DCDC2B: variants seen among roughly 807,000 people sequenced by gnomAD.
DCDC2B encodes doublecortin domain containing 2B.
A neutral mutation model predicts 38.9 loss-of-function variants in DCDC2B; 41 were observed. The ratio of observed to expected loss-of-function variants is 1.05; its 90% CI spans 0.82 to 1.37. The LOEUF is 1.37. Among genes scored for constraint, DCDC2B ranks in the 40% most tolerant of loss-of-function variants. The pLI is 0.00. For synonymous variants in DCDC2B, 181 were observed against 171.9 expected (o/e 1.05, Z -0.41); for missense variants, 453 against 427.2 (o/e 1.06, Z -0.53).
At chr1:32,209,479 G>A in intron 1 of DCDC2B, 120 bp downstream of exon 1, 1 of 1,443,760 alleles carries the variant, frequency 6.9e-7, no homozygotes, top group Non-Finnish European at 9.3e-7. Flanking sequence ...CTATGTAGGG[G>A]GGGTGGTTTT....
chr1:32,212,258 T>C, intron 4 of DCDC2B, 57 bp downstream of exon 4: 1 of 1,594,826 alleles, frequency 6.3e-7, no homozygotes, highest in Non-Finnish European at 8.6e-7. Context: ...CGCCACTGGC[T>C]TCAGCTGTGG....
intron 1 of DCDC2B, 53 bp from the exon 2 acceptor site, chr1:32,211,219 C>G (rs1258170592): frequency 6.5e-7 from 1 of 1,540,898 alleles, no homozygotes; most frequent in African/African-American, 1.4e-5. Flanking sequence ...ATCTGCCAGG[C>G]TATTGAGGCC....
In DCDC2B at chr1:32,212,062, T is replaced by A. The variant is rs1643608914; in HGVS notation, c.396-8T>A. 1.2e-6 allele frequency: 2 copies of A among 1,608,450 alleles called. No individual in the cohort carries two copies. The highest frequency in any genetic ancestry group is 1.7e-6 in the Non-Finnish European group (2 of 1,175,712). On this transcript the variant is annotated splice_region_variant and splice_polypyrimidine_tract_variant and intron_variant, in intron 3 of 8. Transcript: ENST00000409358. ...GGACACTCCCCCTTACCAGGCTTTT[T>A]GTCTCAGTGTGTTCAGGAATGGGGA...
At chr1:32,215,619 AG>A (rs1638320166) in intron 8 of DCDC2B, 76 bp downstream of exon 8, 1 of 1,388,426 alleles carries the variant, frequency 7.2e-7, no homozygotes, top group South Asian at 1.3e-5. Flanking sequence ...CTTGGGCCCC[AG>A]GAACAGTTCT....
chr1:32,210,770 A>G (rs891768738), intron 1 of DCDC2B, among the ~76,000 whole-genome samples: 4 of 151,650 alleles, frequency 2.6e-5, no homozygotes, highest in African/African-American at 9.7e-5. Flanking sequence ...AGTGCAGTGC[A>G]CTGGCGCGAT....
rs1157033358 is a variant in DCDC2B at position 32,216,021 on chromosome 1, C to A, written c.*124C>A. 2.5e-5 allele frequency: 21 copies of A among 837,086 alleles called. No homozygotes were observed. The highest frequency in any genetic ancestry group is 3.6e-5 in the Non-Finnish European group (19 of 522,100). 51.9% of individuals were successfully genotyped at this position (837,086 alleles called of 1,614,324 possible). On this transcript the variant is annotated 3_prime_UTR_variant, in exon 9 of 9. Coordinates refer to ENST00000409358, the MANE Select transcript of DCDC2B (RefSeq NM_001099434.2). The stretch of plus-strand genomic sequence containing the variant: ...GGGCTCACAGGGTACACTGCGGCCT[C>A]CTCAGCCCTCCCCGTTCTCCTGCTC...
intron 6 of DCDC2B, among the ~76,000 whole-genome samples, chr1:32,213,271 A>G (rs1336703323): frequency 6.6e-6 from 1 of 151,894 alleles, no homozygotes; most frequent in Admixed American, 6.6e-5. Flanking sequence ...GGCTCAAGCA[A>G]TCCTCCCACC....
At position 32,216,046 on chromosome 1, in the gene DCDC2B, C is replaced by G. The variant is rs1638358793; in HGVS notation, c.*149C>G. On this transcript the variant is annotated 3_prime_UTR_variant, in exon 9 of 9. Transcript: ENST00000409358. ...CCTCAGCCCTCCCCGTTCTCCTGCT[C>G]CTAAACCCACAGCCCAGCCTTCCCT... 1 of 757,038 alleles carries G rather than the reference C, an allele frequency of 1.3e-6. No homozygotes were observed. Among genetic ancestry groups the G allele is most frequent in the African/African-American group, 1.8e-5 (1 of 56,410 alleles). 46.9% of individuals were successfully genotyped at this position (757,038 alleles called of 1,614,324 possible).
At chr1:32,211,220 T>A in intron 1 of DCDC2B, 52 bp from the exon 2 acceptor site, 32 of 1,548,616 alleles carry the variant, frequency 2.1e-5, no homozygotes, top group Non-Finnish European at 2.8e-5. Context: ...TCTGCCAGGC[T>A]ATTGAGGCCT....
Position 32,215,904 on chromosome 1 carries a change from G to C in DCDC2B, c.*7G>C. The C allele has an allele frequency of 6.5e-7, 1 of 1,550,150 alleles. No individual in the cohort carries two copies. The highest frequency in any genetic ancestry group is 1.2e-5 in the South Asian group (1 of 83,990). On this transcript the variant is annotated 3_prime_UTR_variant, in exon 9 of 9. Coordinates refer to ENST00000409358, the MANE Select transcript of DCDC2B (RefSeq NM_001099434.2). ...CCCAGCTCTGCCATCTTGAGAGCCA[G>C]CAGCTCCAGAGGGCAACTGGGGACC... is the stretch of plus-strand genomic sequence containing the variant.
chr1:32,211,525 T>C (rs758363571), intron 2 of DCDC2B, among the ~76,000 whole-genome samples: 4 of 152,146 alleles, frequency 2.6e-5, no homozygotes, highest in Admixed American at 2.0e-4. Flanking sequence ...AACTCCACAC[T>C]GGGGTCCCCA....
intron 6 of DCDC2B, among the ~76,000 whole-genome samples, chr1:32,213,497 C>T (rs1377627280): frequency 4.7e-5 from 7 of 150,266 alleles, no homozygotes; most frequent in South Asian, 2.1e-4. Context: ...CCACCACACC[C>T]GGCTAATTTT....
chr1:32,215,138 C>A, intron 7 of DCDC2B: 1 of 693,734 alleles, frequency 1.4e-6, no homozygotes, highest in Non-Finnish European at 2.3e-6. Flanking sequence ...GTACTGACCT[C>A]ATCATAACTG....
chr1:32,215,109 G>GA, intron 7 of DCDC2B, 177 bp downstream of exon 7: 1 of 845,372 alleles, frequency 1.2e-6, no homozygotes, highest in Non-Finnish European at 1.7e-6. Context: ...GAGACTGCCC[G>GA]TAAAAAAAAA....
Position 32,212,132 on chromosome 1 carries a change from G to A in DCDC2B, c.458G>A (p.Ser153Asn), listed in dbSNP as rs763086179. Residue 153 changes from serine (S) to asparagine (N), a missense_variant, in exon 4 of 9, where the codon AGC becomes AAC. Transcript: ENST00000409358. Reference sequence around the variant, plus strand: ...AGTCTGAAGCTGTCCCAGGCTGCCAGCCAGGACTGGGAAACTGTGTTGAAG... The same window carrying A: ...AGTCTGAAGCTGTCCCAGGCTGCCAACCAGGACTGGGAAACTGTGTTGAAG... Reference protein sequence around the residue: ...PFSLKLSQAASQDWETVLKLL... With the variant: ...PFSLKLSQAANQDWETVLKLL... 1 of 1,613,952 alleles carries A rather than the reference G, an allele frequency of 6.2e-7. No homozygotes were observed. The highest frequency in any genetic ancestry group is 2.2e-5 in the East Asian group (1 of 44,882).
At chr1:32,209,782 A>AGAC (rs1643504461) in intron 1 of DCDC2B, among the ~76,000 whole-genome samples, 1 of 152,158 alleles carries the variant, frequency 6.6e-6, no homozygotes, top group Non-Finnish European at 1.5e-5. Flanking sequence ...TTGCAGGAGG[A>AGAC]GACTGTCTCC....
chr1:32,214,487 C>T (rs1228286188), intron 6 of DCDC2B: 2 of 341,606 alleles, frequency 5.9e-6, no homozygotes, highest in Non-Finnish European at 1.1e-5. Flanking sequence ...TCCAAGGGAA[C>T]TTATATTATC....
chr1:32,212,722 C>T, intron 5 of DCDC2B, 32 bp from the exon 6 acceptor site: 1 of 1,613,684 alleles, frequency 6.2e-7, no homozygotes, highest in Non-Finnish European at 8.5e-7. Context: ...ATGCCCTCTG[C>T]CCACTACAAG....
intron 1 of DCDC2B, 146 bp downstream of exon 1, chr1:32,209,505 G>A: frequency 8.5e-7 from 1 of 1,177,542 alleles, no homozygotes; most frequent in Non-Finnish European, 1.2e-6. Flanking sequence ...CATTAGAAAG[G>A]GAAAACAGAC....
Sources: gnomAD v4.1 joint callset for allele counts (sites outside exome capture counted in the v4.1 genomes callset) on GRCh38, gnomAD v4.1.1 for gene constraint, MANE v1.5 for transcripts, NCBI Gene and HGNC (gene_info 2026-07-23, HGNC 2026-07-21) for gene names.